Variants in SLC16A2 observed in about 807,000 individuals in gnomAD.
The protein encoded by SLC16A2 is monocarboxylate transporter 8.
A neutral mutation model predicts 27.2 loss-of-function variants in SLC16A2; 3 were observed. The observed-to-expected ratio is 0.11, with a 90% CI of 0.05 to 0.28. SLC16A2 has a LOEUF of 0.28. Among genes scored for constraint, SLC16A2 ranks in the 10% least tolerant of loss-of-function variants. The pLI is 1.00. For missense variants in SLC16A2, 295 were observed against 458.5 expected (o/e 0.64, Z 3.26); for synonymous variants, 202 against 187.8 (o/e 1.08, Z -0.62).
chrX:74,508,395 T>C (rs1053922579), intron 1 of SLC16A2, among the ~76,000 whole-genome samples: 4 of 112,191 alleles, frequency 3.6e-5, no homozygotes, highest in Non-Finnish European at 7.5e-5. Context: ...TAATTTTCAA[T>C]ATAGAGGTCT....
Position 74,467,408 on chromosome X carries a change from G to C in SLC16A2, c.430+45341G>C, listed in dbSNP as rs1203956389. 9.9e-5 allele frequency among the ~76,000 whole-genome samples: 11 copies of C among 111,272 alleles called. No homozygotes were observed. The Admixed American group carries it at 1.1e-3, about 11-fold the overall frequency. On this transcript the variant is annotated intron_variant, in intron 1 of 5. Transcript: ENST00000587091. ...GGGTGGATGTGGGAACATGTGAAAA[G>C]CCGGTCAAGACCAATAACCTAGACT...
chrX:74,481,109 A>G (rs1295721749), intron 1 of SLC16A2, among the ~76,000 whole-genome samples: 1 of 112,126 alleles, frequency 8.9e-6, no homozygotes, highest in Non-Finnish European at 1.9e-5. Flanking sequence ...AATTTTTTCT[A>G]TATGTAACTG....
At chrX:74,430,606 A>G (rs1181079354) in intron 1 of SLC16A2, among the ~76,000 whole-genome samples, 2 of 112,507 alleles carry the variant, frequency 1.8e-5, no homozygotes, top group East Asian at 5.6e-4. Context: ...GCAATGAGAT[A>G]CCATCTCACA....
intron 1 of SLC16A2, among the ~76,000 whole-genome samples, chrX:74,480,641 T>C (rs1216244723): frequency 8.9e-6 from 1 of 112,603 alleles, no homozygotes; most frequent in Non-Finnish European, 1.9e-5. Context: ...CAAGAAAAAG[T>C]CAGTATTTTC....
chrX:74,470,951 C>T (rs775530013), intron 1 of SLC16A2, among the ~76,000 whole-genome samples: 11 of 111,444 alleles, frequency 9.9e-5, no homozygotes, highest in African/African-American at 3.6e-4. Context: ...AAAAAAAAAT[C>T]AAGTTATTTA....
intron 1 of SLC16A2, among the ~76,000 whole-genome samples, chrX:74,500,485 T>C (rs1470301676): frequency 9.0e-6 from 1 of 111,542 alleles, no homozygotes; most frequent in African/African-American, 3.3e-5. Context: ...TTGTGAGATT[T>C]TGGTGCACCC....
chrX:74,448,862 G>A (rs1462077480), intron 1 of SLC16A2, among the ~76,000 whole-genome samples: 6 of 111,253 alleles, frequency 5.4e-5, no homozygotes, highest in Non-Finnish European at 7.5e-5. Context: ...TACGTGCAGC[G>A]ATAATGACAT....
In SLC16A2 at chrX:74,521,129, C is replaced by T; in HGVS notation, c.570C>T (p.Phe190=). The change falls in exon 2 of 6, where the codon TTC becomes TTT. Residue 190 remains phenylalanine, a synonymous_variant. Coordinates refer to ENST00000587091, the MANE Select transcript of SLC16A2 (RefSeq NM_006517.5). ...VAFIGLHTSS[F]TSSLSLRYFT... ...TCATTGGCCTCCATACCAGCTCCTTCACCAGGTAAGGCTAAGAGTTGGTGG... is the reference window on the plus strand; with the variant it reads ...TCATTGGCCTCCATACCAGCTCCTTTACCAGGTAAGGCTAAGAGTTGGTGG... 8.3e-7 allele frequency: 1 copy of T among 1,212,005 alleles called. No homozygotes were observed.
chrX:74,501,541 G>C (rs867715146), intron 1 of SLC16A2, among the ~76,000 whole-genome samples: 1 of 111,450 alleles, frequency 9.0e-6, no homozygotes, highest in African/African-American at 3.3e-5. Context: ...CCCTGGAGCA[G>C]GTAGAGCATG....
chrX:74,508,821 T>C (rs1426080059), intron 1 of SLC16A2, among the ~76,000 whole-genome samples: 2 of 111,976 alleles, frequency 1.8e-5, no homozygotes, highest in African/African-American at 6.5e-5. Flanking sequence ...TTAAGCCCAG[T>C]ACCCAGTAAA....
chrX:74,458,256 A>G (rs1008230553), intron 1 of SLC16A2, among the ~76,000 whole-genome samples: 1 of 112,492 alleles, frequency 8.9e-6, no homozygotes, highest in Middle Eastern at 4.6e-3. Flanking sequence ...TTTTATATAC[A>G]TATACAGTCT....
chrX:74,498,182 C>A (rs962061555), intron 1 of SLC16A2, among the ~76,000 whole-genome samples: 1 of 111,627 alleles, frequency 9.0e-6, no homozygotes, highest in Non-Finnish European at 1.9e-5. Context: ...TTATGAGGAG[C>A]CTGAATTCTG....
chrX:74,527,346 A>G (rs752893154), intron 4 of SLC16A2, among the ~76,000 whole-genome samples: 63 of 112,829 alleles, frequency 5.6e-4, no homozygotes, highest in African/African-American at 1.6e-3. Context: ...GTCTTGGGCC[A>G]AGAGCACAAG....
intron 1 of SLC16A2, 95 bp from the exon 2 acceptor site, chrX:74,520,895 C>T: frequency 2.0e-6 from 2 of 995,720 alleles, no homozygotes. Context: ...ATGCAATGCC[C>T]CCTGTGAAAG....
rs766368266 is a variant in SLC16A2, at chrX:74,470,092, G to T, written c.430+48025G>T. 9.7e-4 allele frequency among the ~76,000 whole-genome samples: 108 copies of T among 111,379 alleles called. 2 individuals carry two copies. The highest frequency in any genetic ancestry group is 2.9e-4 in the Admixed American group (3 of 10,391). On this transcript the variant is annotated intron_variant, in intron 1 of 5. Coordinates refer to ENST00000587091, the MANE Select transcript of SLC16A2 (RefSeq NM_006517.5). ...CAGTATGGAGCCTTTTCAGATTGGT[G>T]TCTTTCACTTAATAATATGCACTTA... is the stretch of plus-strand genomic sequence containing the variant.
intron 1 of SLC16A2, among the ~76,000 whole-genome samples, chrX:74,497,445 G>A (rs1929956900): frequency 9.1e-6 from 1 of 110,351 alleles, no homozygotes; most frequent in African/African-American, 3.3e-5. Context: ...AGCTTCTGGG[G>A]CTTGGAGGAG....
chrX:74,494,752 G>A (rs1488961947), intron 1 of SLC16A2, among the ~76,000 whole-genome samples: 2 of 111,201 alleles, frequency 1.8e-5, no homozygotes, highest in African/African-American at 6.6e-5. Context: ...ATTTTGAGAT[G>A]AGACTGAGAT....
At chrX:74,450,281 C>T (rs868245237) in intron 1 of SLC16A2, among the ~76,000 whole-genome samples, 3 of 111,849 alleles carry the variant, frequency 2.7e-5, no homozygotes, top group Admixed American at 9.5e-5. Context: ...GAATAATGGC[C>T]GAACAGATGA....
intron 1 of SLC16A2, among the ~76,000 whole-genome samples, chrX:74,463,685 C>A (rs894906136): frequency 9.0e-6 from 1 of 111,023 alleles, no homozygotes; most frequent in African/African-American, 3.3e-5. Flanking sequence ...TGCCACCATA[C>A]CCGGCTAATT....
Sources: allele counts gnomAD v4.1 joint callset (sites outside exome capture counted in the v4.1 genomes callset), GRCh38; gene constraint gnomAD v4.1.1; transcripts MANE v1.5; gene names NCBI Gene and HGNC (gene_info 2026-07-23, HGNC 2026-07-21).